VPS13B: variants seen among roughly 807,000 people sequenced by gnomAD.
The protein encoded by VPS13B is intermembrane lipid transfer protein VPS13B.
VPS13B carries 285 observed loss-of-function variants against 426.4 expected under a neutral mutation model. That is an observed-to-expected ratio of 0.67 (90% CI 0.61 to 0.74). The LOEUF (loss-of-function observed/expected upper bound fraction) is 0.74, where lower values mean the gene tolerates loss of function less well. VPS13B is among the 30% of genes least tolerant of loss of function. The pLI is 0.00. For missense variants in VPS13B, 4,537 were observed against 4,782.6 expected (o/e 0.95, Z 1.51); for synonymous variants, 1,676 against 1,676.4 (o/e 1.00, Z 0.01).
chr8:99,232,369 AGATGATCCATAATT>A (rs1816376129), intron 17 of VPS13B, among the ~76,000 whole-genome samples: 1 of 152,182 alleles, frequency 6.6e-6, no homozygotes, highest in African/African-American at 2.4e-5. Flanking sequence ...TGATATACAC[AGATGATCCATAATT>A]GCTGTGAGTG....
intron 43 of VPS13B, 125 bp from the exon 44 acceptor site, chr8:99,809,250 G>T (rs937412404): frequency 2.4e-6 from 3 of 1,244,246 alleles, no homozygotes; most frequent in Non-Finnish European, 3.4e-6. Flanking sequence ...AATAATGCAG[G>T]TTAGAAAGAA....
At chr8:99,874,898 A>C (rs1243971100) in intron 61 of VPS13B, 1 of 154,574 alleles carries the variant, frequency 6.5e-6, no homozygotes, top group East Asian at 1.9e-4. Flanking sequence ...AAAGCAGAAA[A>C]TGTTACAGTT....
At chr8:99,107,092 A>G (rs1254198450) in intron 5 of VPS13B, among the ~76,000 whole-genome samples, 2 of 152,200 alleles carry the variant, frequency 1.3e-5, no homozygotes, top group Non-Finnish European at 2.9e-5. Context: ...AGCTTCAGAG[A>G]TACTGACAAA....
intron 40 of VPS13B, among the ~76,000 whole-genome samples, chr8:99,768,555 C>G (rs1005495685): frequency 6.6e-6 from 1 of 152,112 alleles, no homozygotes; most frequent in Non-Finnish European, 1.5e-5. Context: ...GAGATAACTT[C>G]TGTTAACATT....
chr8:99,164,331 T>C (rs1811865150), intron 15 of VPS13B, among the ~76,000 whole-genome samples: 1 of 152,092 alleles, frequency 6.6e-6, no homozygotes, highest in South Asian at 2.1e-4. Context: ...TTGGTATAAG[T>C]ATTTGAAAGG....
rs539077095 is a variant in VPS13B, at chr8:99,071,878, G to A, written c.292-24434G>A. On this transcript the variant is annotated intron_variant, in intron 3 of 61. Transcript: ENST00000357162. ...TCACCCCAGGTCTGCAGTGAATACT[G>A]CATGGCTACCAGTGATGTTCATTCA... is the stretch of plus-strand genomic sequence containing the variant. Among the ~76,000 whole-genome samples, 5 of 152,214 alleles carry A rather than the reference G, an allele frequency of 3.3e-5. No homozygotes were observed. The East Asian group carries it at 9.7e-4, about 29-fold the overall frequency.
intron 31 of VPS13B, among the ~76,000 whole-genome samples, chr8:99,565,575 G>A (rs757388136): frequency 2.0e-5 from 3 of 151,914 alleles, no homozygotes; most frequent in Non-Finnish European, 2.9e-5. Context: ...GAGAGATTAC[G>A]ACTATTCTCT....
At chr8:99,680,523 C>T (rs1004169885) in intron 35 of VPS13B, among the ~76,000 whole-genome samples, 1 of 152,126 alleles carries the variant, frequency 6.6e-6, no homozygotes, top group Non-Finnish European at 1.5e-5. Context: ...TTCCTGGTAG[C>T]TGTTCAGAAA....
At chr8:99,771,780 G>C (rs1204741907) in intron 40 of VPS13B, among the ~76,000 whole-genome samples, 1 of 152,158 alleles carries the variant, frequency 6.6e-6, no homozygotes, top group Non-Finnish European at 1.5e-5. Context: ...GATGTATCTA[G>C]ATTTTTGGGT....
chr8:99,743,912 T>C (rs1438015371), intron 39 of VPS13B, among the ~76,000 whole-genome samples: 1 of 152,148 alleles, frequency 6.6e-6, no homozygotes, highest in Non-Finnish European at 1.5e-5. Context: ...GACATAGGCA[T>C]GGGCAAGGAC....
chr8:99,320,336 C>T lies in VPS13B; in HGVS notation c.2824+45082C>T, dbSNP rs117770725. ...GGGCTATGTAAAAGACCAAGGACCT[C>T]CCTTCTCCTGGGAATCCTAATCTTT... is the stretch of plus-strand genomic sequence containing the variant. On this transcript the variant is annotated intron_variant, in intron 19 of 61. Coordinates refer to ENST00000357162, the MANE Select transcript of VPS13B (RefSeq NM_152564.5). Among the ~76,000 whole-genome samples, 748 of 152,220 alleles carry T rather than the reference C, an allele frequency of 4.9e-3. 5 individuals are homozygous for T. Among genetic ancestry groups the T allele is most frequent in the Non-Finnish European group, 8.2e-3 (560 of 68,000 alleles).
chr8:99,742,393 G>A (rs1011502633), intron 39 of VPS13B, among the ~76,000 whole-genome samples: 3 of 152,104 alleles, frequency 2.0e-5, no homozygotes, highest in African/African-American at 7.2e-5. Context: ...TTCTACCAGA[G>A]GTACAAGGAG....
intron 39 of VPS13B, among the ~76,000 whole-genome samples, chr8:99,748,102 T>C (rs577562818): frequency 3.0e-4 from 45 of 152,094 alleles, no homozygotes; most frequent in Non-Finnish European, 5.2e-4. Flanking sequence ...ATCCCCTAAA[T>C]AGCTAATTAG....
chr8:99,601,620 T>C (rs1272040490), intron 33 of VPS13B, among the ~76,000 whole-genome samples: 1 of 152,188 alleles, frequency 6.6e-6, no homozygotes, highest in East Asian at 1.9e-4. Context: ...CCACCAACAG[T>C]GTAAAATTGT....
intron 3 of VPS13B, among the ~76,000 whole-genome samples, chr8:99,076,549 A>C (rs1463510268): frequency 6.6e-6 from 1 of 150,578 alleles, no homozygotes; most frequent in Non-Finnish European, 1.5e-5. Flanking sequence ...TATTAGGTGC[A>C]TATATATTTA....
chr8:99,122,919 C>T (rs1848013444), intron 8 of VPS13B, among the ~76,000 whole-genome samples: 1 of 151,524 alleles, frequency 6.6e-6, no homozygotes, highest in African/African-American at 2.4e-5. Context: ...TCGAGACCAG[C>T]CTGACCAATA....
At chr8:99,814,503 A>G (rs1283230374) in intron 44 of VPS13B, among the ~76,000 whole-genome samples, 3 of 152,184 alleles carry the variant, frequency 2.0e-5, no homozygotes, top group Non-Finnish European at 4.4e-5. Flanking sequence ...CTTCTGTGAC[A>G]CAAAAGAAGG....
At chr8:99,428,456 A>C (rs1350531279) in intron 21 of VPS13B, among the ~76,000 whole-genome samples, 1 of 151,072 alleles carries the variant, frequency 6.6e-6, no homozygotes, top group Non-Finnish European at 1.5e-5. Context: ...AAACAACCCC[A>C]TCAAAAAGTG....
intron 15 of VPS13B, among the ~76,000 whole-genome samples, chr8:99,161,576 C>G (rs1350174704): frequency 2.6e-5 from 4 of 152,148 alleles, no homozygotes; most frequent in African/African-American, 7.2e-5. Context: ...AGGGCCTTTG[C>G]TACACATGCT....
Sources: gnomAD v4.1 joint callset for allele counts (sites outside exome capture counted in the v4.1 genomes callset) on GRCh38, gnomAD v4.1.1 for gene constraint, MANE v1.5 for transcripts, NCBI Gene and HGNC (gene_info 2026-07-23, HGNC 2026-07-21) for gene names.